Variants in THRB observed in about 807,000 individuals in gnomAD.
The protein encoded by THRB is nuclear receptor subfamily 1 group A member 2.
In THRB, 12 loss-of-function variants were observed where a neutral mutation model predicts 47.8. The ratio of observed to expected loss-of-function variants is 0.25; its 90% CI spans 0.16 to 0.41. The LOEUF is 0.41. Among genes scored for constraint, THRB ranks in the 10% least tolerant of loss-of-function variants. The probability of loss-of-function intolerance (pLI) is 1.00; values close to 1 mark genes in which losing one functional copy is unlikely to be tolerated. For synonymous variants in THRB, 218 were observed against 212.2 expected (o/e 1.03, Z -0.24); for missense variants, 348 against 589.2 (o/e 0.59, Z 4.24).
intron 3 of THRB, among the ~76,000 whole-genome samples, chr3:24,286,121 C>T (rs866244453): frequency 9.9e-5 from 15 of 152,124 alleles, no homozygotes; most frequent in African/African-American, 3.6e-4. Flanking sequence ...GGGCCCTTAC[C>T]AGACAGTGAA....
chr3:24,157,730 C>T (rs1011206330), intron 5 of THRB, among the ~76,000 whole-genome samples: 3 of 152,078 alleles, frequency 2.0e-5, no homozygotes, highest in African/African-American at 7.2e-5. Flanking sequence ...TGGGGTCTTG[C>T]TATGTTTCCC....
intron 3 of THRB, among the ~76,000 whole-genome samples, chr3:24,280,605 G>A (rs924019274): frequency 5.3e-5 from 8 of 152,210 alleles, no homozygotes; most frequent in Non-Finnish European, 1.2e-4. Flanking sequence ...TTGACAAGCT[G>A]AGAGAAGAAG....
At chr3:24,142,005 G>C (rs2035510782) in intron 8 of THRB, among the ~76,000 whole-genome samples, 1 of 152,220 alleles carries the variant, frequency 6.6e-6, no homozygotes, top group Non-Finnish European at 1.5e-5. Flanking sequence ...GTGGGGTGAA[G>C]ATGCAAGATC....
At chr3:24,489,257 A>G (rs191880051) in intron 1 of THRB, among the ~76,000 whole-genome samples, 30 of 152,294 alleles carry the variant, frequency 2.0e-4, no homozygotes, top group African/African-American at 7.0e-4. Flanking sequence ...AAAATAAGAA[A>G]AAAAAAAGAT....
At chr3:24,432,633 G>C (rs1002362239) in intron 1 of THRB, among the ~76,000 whole-genome samples, 4 of 152,132 alleles carry the variant, frequency 2.6e-5, no homozygotes, top group African/African-American at 9.7e-5. Flanking sequence ...ACTTGAATTT[G>C]AGATATTCAA....
At chr3:24,371,684 A>G (rs1183244490) in intron 1 of THRB, among the ~76,000 whole-genome samples, 5 of 152,106 alleles carry the variant, frequency 3.3e-5, no homozygotes, top group African/African-American at 1.2e-4. Context: ...TTGTCATAGA[A>G]TACTAGCAGA....
At chr3:24,316,209 C>T (rs1411339898) in intron 2 of THRB, among the ~76,000 whole-genome samples, 1 of 152,148 alleles carries the variant, frequency 6.6e-6, no homozygotes, top group African/African-American at 2.4e-5. Context: ...TGGGCTACTA[C>T]AGAGTCATGA....
chr3:24,366,378 T>G (rs1024802778), intron 1 of THRB, among the ~76,000 whole-genome samples: 1 of 152,166 alleles, frequency 6.6e-6, no homozygotes, highest in Non-Finnish European at 1.5e-5. Context: ...GTTACCCCCA[T>G]GCTTCCAGGC....
intron 2 of THRB, among the ~76,000 whole-genome samples, chr3:24,322,770 T>C (rs2058566740): frequency 6.6e-6 from 1 of 152,238 alleles, no homozygotes; most frequent in Non-Finnish European, 1.5e-5. Context: ...CAGAAGCTTG[T>C]ATTTTCTATG....
chr3:24,140,270 G>A (rs2035262668), intron 8 of THRB, among the ~76,000 whole-genome samples: 2 of 152,158 alleles, frequency 1.3e-5, no homozygotes, highest in African/African-American at 2.4e-5. Flanking sequence ...AATATTTATC[G>A]AGTTCTGTTC....
intron 1 of THRB, among the ~76,000 whole-genome samples, chr3:24,351,092 A>G (rs1038480395): frequency 2.0e-5 from 3 of 152,218 alleles, no homozygotes; most frequent in South Asian, 2.1e-4. Context: ...GAAGAATAGC[A>G]GAAATTTTTT....
At chr3:24,410,937 C>T (rs906703101) in intron 1 of THRB, among the ~76,000 whole-genome samples, 2 of 151,760 alleles carry the variant, frequency 1.3e-5, no homozygotes, top group African/African-American at 2.4e-5. Context: ...GAATATAATG[C>T]GGATGGTTCA....
chr3:24,254,937 T>G (rs921846348), intron 3 of THRB, among the ~76,000 whole-genome samples: 4 of 152,216 alleles, frequency 2.6e-5, no homozygotes, highest in African/African-American at 4.8e-5. Flanking sequence ...TCTAATAACA[T>G]GTATGAATCA....
chr3:24,248,764 T>C (rs2050365290), intron 3 of THRB, among the ~76,000 whole-genome samples: 1 of 152,172 alleles, frequency 6.6e-6, no homozygotes, highest in African/African-American at 2.4e-5. Flanking sequence ...CAGCAGCTGG[T>C]TGGCTTCCTT....
At chr3:24,282,610 A>G (rs1285396657) in intron 3 of THRB, among the ~76,000 whole-genome samples, 2 of 134,820 alleles carry the variant, frequency 1.5e-5, no homozygotes, top group East Asian at 4.3e-4. Flanking sequence ...GGAAATAGAG[A>G]CACAAAAACC....
intron 3 of THRB, among the ~76,000 whole-genome samples, chr3:24,233,719 G>T (rs572126683): frequency 6.6e-6 from 1 of 152,316 alleles, no homozygotes; most frequent in East Asian, 1.9e-4. Flanking sequence ...GTATCTTAAG[G>T]AAACATTGAA....
chr3:24,169,849 A>C (rs1559502261), intron 5 of THRB, among the ~76,000 whole-genome samples: 1 of 151,624 alleles, frequency 6.6e-6, no homozygotes, highest in Non-Finnish European at 1.5e-5. Context: ...TATTTGTTAC[A>C]TATTGCCTGT....
chr3:24,305,777 T>A (rs1234880238), intron 2 of THRB, among the ~76,000 whole-genome samples: 1 of 152,180 alleles, frequency 6.6e-6, no homozygotes, highest in African/African-American at 2.4e-5. Context: ...CTCAGTTTTT[T>A]AGATGAGGAC....
In THRB at chr3:24,152,465, C is replaced by T. The variant is rs753787791; in HGVS notation, c.309G>A (p.Lys103=). Residue 103 remains lysine, a synonymous_variant, in exon 6 of 11, where the codon AAG becomes AAA. Transcript: ENST00000646209. ...CKGYIPSYLD[K]DELCVVCGDK... ...CACCACACACTACACAGAGCTCGTC[C>T]TTGTCTAAGTAACTGGGGATGTACC... 1 of 1,604,954 alleles carries T rather than the reference C, an allele frequency of 6.2e-7. No homozygotes were observed. Among genetic ancestry groups the T allele is most frequent in the Admixed American group, 1.7e-5 (1 of 59,992 alleles).
Sources: allele counts gnomAD v4.1 joint callset (sites outside exome capture counted in the v4.1 genomes callset), GRCh38; gene constraint gnomAD v4.1.1; transcripts MANE v1.5; gene names NCBI Gene and HGNC (gene_info 2026-07-23, HGNC 2026-07-21).